The following MEF2A variants were observed in gnomAD, a reference collection of about 807,000 sequenced individuals.
MEF2A encodes myocyte-specific enhancer factor 2A.
MEF2A carries 28 observed loss-of-function variants against 55.8 expected under a neutral mutation model. The ratio of observed to expected loss-of-function variants is 0.50; its 90% CI spans 0.37 to 0.69. The LOEUF is 0.69. MEF2A is among the 30% of genes least tolerant of loss of function. MEF2A has a pLI of 0.00. For missense variants in MEF2A, 528 were observed against 626.2 expected, an observed-to-expected ratio of 0.84 and a Z score of 1.67; for synonymous variants, 239 against 227.1, an observed-to-expected ratio of 1.05 and a Z score of -0.47.
chr15:99,588,769 T>C (rs1968276098), intron 1 of MEF2A, among the ~76,000 whole-genome samples: 1 of 152,038 alleles, frequency 6.6e-6, no homozygotes. Context: ...GTTTTTGTTT[T>C]TTTTTTTAAA....
rs145448700 is a variant in MEF2A at position 99,697,806 on chromosome 15, C to T, written c.859-5556C>T. Reference sequence around the variant, plus strand: ...GGAACAAAATTTTAAAAAAATACTACTACTACCCGATTTCAAGACCTACTA... The same window carrying T: ...GGAACAAAATTTTAAAAAAATACTATTACTACCCGATTTCAAGACCTACTA... On this transcript the variant is annotated intron_variant, in intron 8 of 11. Coordinates refer to ENST00000557942, the MANE Select transcript of MEF2A (RefSeq NM_001319206.4). Among the ~76,000 whole-genome samples the T allele has an allele frequency of 3.2e-3, 490 of 152,252 alleles. 14 individuals are homozygous for T. Among genetic ancestry groups the T allele is most frequent in the Admixed American group, 0.027 (412 of 15,292 alleles).
At chr15:99,649,432 TC>T (rs1425178046) in intron 4 of MEF2A, among the ~76,000 whole-genome samples, 3 of 152,172 alleles carry the variant, frequency 2.0e-5, no homozygotes, top group Non-Finnish European at 4.4e-5. Flanking sequence ...TAACTTTATT[TC>T]CCATATTTCA....
At chr15:99,599,719 C>G (rs1394409187) in intron 2 of MEF2A, among the ~76,000 whole-genome samples, 1 of 152,014 alleles carries the variant, frequency 6.6e-6, no homozygotes, top group Non-Finnish European at 1.5e-5. Flanking sequence ...GAGTTTAATT[C>G]TCATTTTAAA....
rs754753330 is a variant in MEF2A, at chr15:99,625,716, G to A, written c.-142-7262G>A. Among the ~76,000 whole-genome samples the A allele has an allele frequency of 4.6e-5, 7 of 152,068 alleles. 1 individual carries two copies. The highest frequency in any genetic ancestry group is 3.4e-3 in the Middle Eastern group (1 of 294). ...TTGTATTTTGTCAAATCCTTTTTCA[G>A]TACTAATTTAGATGATCATGTTTTT... On this transcript the variant is annotated intron_variant, in intron 2 of 11. Transcript: ENST00000557942.
intron 10 of MEF2A, among the ~76,000 whole-genome samples, chr15:99,710,165 A>T (rs974188123): frequency 2.0e-5 from 3 of 152,234 alleles, no homozygotes; most frequent in Non-Finnish European, 4.4e-5. Flanking sequence ...AAATCTTCCA[A>T]GAAAAGATTT....
At chr15:99,621,679 C>T (rs1364194894) in intron 2 of MEF2A, among the ~76,000 whole-genome samples, 1 of 152,148 alleles carries the variant, frequency 6.6e-6, no homozygotes, top group Non-Finnish European at 1.5e-5. Flanking sequence ...TTGACATTTT[C>T]ACTTGTCCAT....
In MEF2A at chr15:99,715,212, T is replaced by A. The variant is rs2059038434; in HGVS notation, c.*2441T>A. 1 of 152,238 alleles carries A rather than the reference T, an allele frequency of 6.6e-6. No individual in the cohort carries two copies. The highest frequency in any genetic ancestry group is 2.4e-5 in the African/African-American group (1 of 41,462). 9.4% of individuals were successfully genotyped at this position (152,238 alleles called of 1,614,324 possible). ...AAACCATTTATAGCTTTGAAAGTGT[T>A]AAGTGATTCCTTCGTTATTATTTAT... is the stretch of plus-strand genomic sequence containing the variant. On this transcript the variant is annotated 3_prime_UTR_variant, in exon 12 of 12. Coordinates refer to ENST00000557942, the MANE Select transcript of MEF2A (RefSeq NM_001319206.4).
upstream of MEF2A, chr15:99,565,736 C>A (rs1267912358): frequency 6.6e-6 from 1 of 152,492 alleles, no homozygotes; most frequent in Non-Finnish European, 1.5e-5. Context: ...ATAGCGCCCG[C>A]TTCCAAGCAC....
chr15:99,690,344 T>C lies in MEF2A; in HGVS notation c.774T>C (p.Gly258=). The change falls in exon 8 of 12, where the codon GGT becomes GGC. Residue 258 remains glycine, a synonymous_variant. Transcript: ENST00000557942. The stretch of plus-strand genomic sequence containing the variant: ...CTACAAAGTCTCCCCCTCCACCAGG[T>C]GGTGGTAATCTTGGAATGAACAGTA... ...VMPTKSPPPP[G]GGNLGMNSRK... The C allele has an allele frequency of 1.9e-6, 3 of 1,613,584 alleles. No individual in the cohort carries two copies. Among genetic ancestry groups the C allele is most frequent in the Non-Finnish European group, 2.5e-6 (3 of 1,179,780 alleles).
At chr15:99,683,940 T>A (rs190608787) in intron 7 of MEF2A, among the ~76,000 whole-genome samples, 1 of 152,138 alleles carries the variant, frequency 6.6e-6, no homozygotes, top group Non-Finnish European at 1.5e-5. Context: ...CTCCCACTTA[T>A]AAGTGAAAAC....
chr15:99,570,459 T>G (rs1402516151), intron 1 of MEF2A, among the ~76,000 whole-genome samples: 2 of 152,210 alleles, frequency 1.3e-5, no homozygotes, highest in African/African-American at 4.8e-5. Flanking sequence ...ATTCTCACCA[T>G]TATTAAAATT....
chr15:99,612,300 C>A (rs1383653751), intron 2 of MEF2A, among the ~76,000 whole-genome samples: 1 of 151,638 alleles, frequency 6.6e-6, no homozygotes, highest in East Asian at 1.9e-4. Flanking sequence ...GTCTGTAGAC[C>A]CAGCTACTTG....
intron 3 of MEF2A, among the ~76,000 whole-genome samples, chr15:99,639,344 T>C (rs1032668990): frequency 6.6e-6 from 1 of 152,196 alleles, no homozygotes; most frequent in East Asian, 1.9e-4. Context: ...TGTTTCAACA[T>C]GGGTTTAAAG....
chr15:99,639,496 T>C (rs1423127289), intron 3 of MEF2A, among the ~76,000 whole-genome samples: 1 of 152,178 alleles, frequency 6.6e-6, no homozygotes, highest in Non-Finnish European at 1.5e-5. Flanking sequence ...AACAACTATG[T>C]TGTTTCTAAT....
intron 3 of MEF2A, among the ~76,000 whole-genome samples, chr15:99,643,536 A>T (rs1032615958): frequency 6.6e-6 from 1 of 151,778 alleles, no homozygotes; most frequent in Non-Finnish European, 1.5e-5. Flanking sequence ...TGTAAAAACA[A>T]GTACATCAAC....
At chr15:99,566,394 C>G (rs1596142857) in intron 1 of MEF2A, 1 of 107,056 alleles carries the variant, frequency 9.3e-6, no homozygotes, top group East Asian at 2.9e-4. Flanking sequence ...CGCTGAGGAG[C>G]TAGGCGCCCG....
intron 3 of MEF2A, among the ~76,000 whole-genome samples, chr15:99,640,200 G>A (rs1267453561): frequency 2.6e-5 from 4 of 152,036 alleles, no homozygotes; most frequent in Admixed American, 6.6e-5. Context: ...CTAACCTTCC[G>A]TATTCTTTGT....
At chr15:99,680,267 A>G (rs1597107040) in intron 7 of MEF2A, among the ~76,000 whole-genome samples, 3 of 152,246 alleles carry the variant, frequency 2.0e-5, no homozygotes, top group African/African-American at 7.2e-5. Flanking sequence ...CACAATTCAA[A>G]AAAGAAACCT....
chr15:99,618,351 G>C (rs1320687390), intron 2 of MEF2A, among the ~76,000 whole-genome samples: 3 of 152,104 alleles, frequency 2.0e-5, no homozygotes, highest in Non-Finnish European at 4.4e-5. Flanking sequence ...AACTGCTCTA[G>C]ATTACAGGAG....
Sources: gnomAD v4.1 joint callset for allele counts (sites outside exome capture counted in the v4.1 genomes callset) on GRCh38, gnomAD v4.1.1 for gene constraint, MANE v1.5 for transcripts, NCBI Gene and HGNC (gene_info 2026-07-23, HGNC 2026-07-21) for gene names.